Variants in SLC25A48 observed in about 807,000 individuals in gnomAD.
SLC25A48 encodes the protein solute carrier family 25 member 48, also known as CTC-321K16.1.
A neutral mutation model predicts 32.2 loss-of-function variants in SLC25A48; 29 were observed. That is an observed-to-expected ratio of 0.90 (90% confidence interval 0.67 to 1.23). The LOEUF (loss-of-function observed/expected upper bound fraction) is 1.23, where lower values mean the gene tolerates loss of function less well. Among genes scored for constraint, SLC25A48 ranks in the 50% most tolerant of loss-of-function variants. SLC25A48 has a pLI of 0.00. For synonymous variants in SLC25A48, 164 were observed against 172.3 expected (o/e 0.95, Z 0.38); for missense variants, 399 against 422.7 (o/e 0.94, Z 0.49).
intron 3 of SLC25A48, among the ~76,000 whole-genome samples, chr5:135,648,382 A>G (rs1456579862): frequency 6.6e-6 from 1 of 152,242 alleles, no homozygotes; most frequent in Non-Finnish European, 1.5e-5. Flanking sequence ...AGTGCACTTA[A>G]TGTACATTCC....
Position 135,583,179 on chromosome 5 carries a change from TGC to T in SLC25A48, c.-849+3584_-849+3585del, listed in dbSNP as rs201721325. On this transcript the variant is annotated intron_variant, in intron 1 of 10. Coordinates refer to the SLC25A48 transcript ENST00000646290. Reference sequence around the variant, plus strand: ...AAGGTTGCATGTGAGAAAGTGTGTGTGCGTGTGTGTGTGTGTGTGTTTGCGTG... The same window carrying T: ...AAGGTTGCATGTGAGAAAGTGTGTGTGTGTGTGTGTGTGTGTGTTTGCGTG... Among the ~76,000 whole-genome samples the T allele has an allele frequency of 3.4e-3, 511 of 151,738 alleles. 5 individuals carry two copies. Among genetic ancestry groups the T allele is most frequent in the African/African-American group, 0.012 (487 of 41,290 alleles).
At chr5:135,744,832 T>A (rs12187968) in intron 3 of SLC25A48, among the ~76,000 whole-genome samples, 39,284 of 151,540 alleles carry the variant, frequency 0.26, 5,394 homozygotes, top group East Asian at 0.46. Context: ...ACCTGAGGTC[T>A]GGAGTTCAAG....
chr5:135,834,152 C>T (rs969973456), upstream of SLC25A48, among the ~76,000 whole-genome samples: 12 of 152,204 alleles, frequency 7.9e-5, no homozygotes, highest in Admixed American at 7.9e-4. Context: ...GGTCTGCCTA[C>T]AGAGAGGGAG....
At chr5:135,618,196 A>T (rs138378972) in intron 1 of SLC25A48, among the ~76,000 whole-genome samples, 1 of 151,948 alleles carries the variant, frequency 6.6e-6, no homozygotes, top group Non-Finnish European at 1.5e-5. Flanking sequence ...ACTGTTTTTG[A>T]CTTAAAGTCT....
chr5:135,711,653 A>G (rs2126974844), intron 3 of SLC25A48, among the ~76,000 whole-genome samples: 1 of 152,324 alleles, frequency 6.6e-6, no homozygotes, highest in South Asian at 2.1e-4. Flanking sequence ...TGCATAAAAA[A>G]TGGAAGACTA....
At chr5:135,747,104 A>G (rs529705387) in intron 3 of SLC25A48, among the ~76,000 whole-genome samples, 2 of 151,544 alleles carry the variant, frequency 1.3e-5, no homozygotes, top group South Asian at 2.1e-4. Flanking sequence ...CCATTTTTCC[A>G]GTGAATGGTA....
At chr5:135,871,343 A>C in intron 4 of SLC25A48, 118 bp from the exon 5 acceptor site, 1 of 1,271,394 alleles carries the variant, frequency 7.9e-7, no homozygotes, top group Admixed American at 2.8e-5. Context: ...GATTTGGTAA[A>C]AGCTGATGGG....
chr5:135,614,341 A>G (rs1275067355), intron 1 of SLC25A48, among the ~76,000 whole-genome samples: 1 of 152,166 alleles, frequency 6.6e-6, no homozygotes, highest in East Asian at 1.9e-4. Flanking sequence ...TTCTAGATAT[A>G]ATATCATATT....
rs79293214 is a variant in SLC25A48 at position 135,792,929 on chromosome 5, A to G, written c.-520-19594A>G. Among the ~76,000 whole-genome samples, 167 of 150,284 alleles carry G rather than the reference A, an allele frequency of 1.1e-3. 1 individual carries two copies. The East Asian group carries it at 0.025, about 22-fold the overall frequency. On this transcript the variant is annotated intron_variant, in intron 3 of 10. Transcript: ENST00000646290. Reference sequence around the variant, plus strand: ...TGGGATATGGTTCGTAATATCCTGGAAAGATATTATTCATTATGTCACAGT... The same window carrying G: ...TGGGATATGGTTCGTAATATCCTGGGAAGATATTATTCATTATGTCACAGT...
At chr5:135,865,463 T>C (rs965383604) in intron 4 of SLC25A48, among the ~76,000 whole-genome samples, 1 of 152,228 alleles carries the variant, frequency 6.6e-6, no homozygotes, top group African/African-American at 2.4e-5. Flanking sequence ...TAAGCAGTGC[T>C]GTAGGTGGGA....
chr5:135,719,869 GAC>G (rs1272897309), intron 3 of SLC25A48, among the ~76,000 whole-genome samples: 4 of 152,162 alleles, frequency 2.6e-5, no homozygotes, highest in African/African-American at 9.7e-5. Context: ...CAGTAGAGAT[GAC>G]ACCACCTTCC....
At position 135,871,724 on chromosome 5, in the gene SLC25A48, G is replaced by A; in HGVS notation, c.679+6G>A. On this transcript the variant is annotated splice_donor_region_variant and intron_variant, in intron 5 of 7. Transcript: ENST00000681962. The stretch of plus-strand genomic sequence containing the variant: ...GCTGGCGGGCGGCATGGCAGGTAAG[G>A]GCAGCAGCAGCTGGAGCCGCACCCC... The A allele has an allele frequency of 1.9e-6, 3 of 1,612,558 alleles. No individual in the cohort carries two copies. In the South Asian group the frequency reaches 3.3e-5, roughly 18 times the overall value.
chr5:135,863,203 G>A (rs1322317750), intron 4 of SLC25A48, among the ~76,000 whole-genome samples: 1 of 152,174 alleles, frequency 6.6e-6, no homozygotes. Flanking sequence ...GAGACAAGTG[G>A]AACCCCCCAC....
chr5:135,610,444 G>A (rs1752039561), intron 1 of SLC25A48, among the ~76,000 whole-genome samples: 1 of 151,902 alleles, frequency 6.6e-6, no homozygotes, highest in African/African-American at 2.4e-5. Context: ...TTTAATATGT[G>A]GAACATATAT....
chr5:135,633,746 C>G (rs1205868952), intron 2 of SLC25A48, among the ~76,000 whole-genome samples: 3 of 152,084 alleles, frequency 2.0e-5, no homozygotes. Context: ...AAAATGAAAA[C>G]TAATTCTTCT....
At chr5:135,751,554 TCA>T (rs1289438377) in intron 3 of SLC25A48, among the ~76,000 whole-genome samples, 2 of 152,110 alleles carry the variant, frequency 1.3e-5, no homozygotes, top group Admixed American at 6.6e-5. Flanking sequence ...GTCACACAGG[TCA>T]GGTGCAGTGG....
intron 3 of SLC25A48, among the ~76,000 whole-genome samples, chr5:135,719,757 G>C (rs180789987): frequency 2.0e-5 from 3 of 152,130 alleles, no homozygotes; most frequent in Admixed American, 2.0e-4. Context: ...GAAGGGGCTC[G>C]GATCAGCATA....
intron 3 of SLC25A48, among the ~76,000 whole-genome samples, chr5:135,779,990 T>C (rs1756680953): frequency 8.6e-6 from 1 of 116,000 alleles, no homozygotes; most frequent in African/African-American, 2.6e-5. Flanking sequence ...CAATACCCCA[T>C]AATATTGTTT....
chr5:135,715,021 A>G (rs772715243), intron 3 of SLC25A48, among the ~76,000 whole-genome samples: 17 of 152,188 alleles, frequency 1.1e-4, no homozygotes, highest in Non-Finnish European at 1.9e-4. Context: ...GGAGGAAAGA[A>G]TCTGCCCCAT....
Sources: gnomAD v4.1 joint callset for allele counts (sites outside exome capture counted in the v4.1 genomes callset) on GRCh38, gnomAD v4.1.1 for gene constraint, MANE v1.5 for transcripts, NCBI Gene and HGNC (gene_info 2026-07-23, HGNC 2026-07-21) for gene names.